The following OPCML variants were observed in gnomAD, a reference collection of about 807,000 sequenced individuals.
OPCML encodes opioid-binding protein/cell adhesion molecule.
A neutral mutation model predicts 37.8 loss-of-function variants in OPCML; 13 were observed. That is an observed-to-expected ratio of 0.34 (90% CI 0.22 to 0.55). The LOEUF (loss-of-function observed/expected upper bound fraction) is 0.55. OPCML is among the 20% of genes least tolerant of loss of function. The pLI is 0.91. For missense variants in OPCML, 341 were observed against 435.6 expected, an observed-to-expected ratio of 0.78 and a Z score of 1.93; for synonymous variants, 176 against 168.8, an observed-to-expected ratio of 1.04 and a Z score of -0.33.
intron 1 of OPCML, chr11:133,068,204 GC>G (rs1565429602): frequency 6.6e-6 from 1 of 152,150 alleles, no homozygotes; most frequent in African/African-American, 2.4e-5. Context: ...CCAAAACTCT[GC>G]CCTTCTGAAG....
At chr11:133,066,579 T>C (rs1948443673) in intron 1 of OPCML, 2 of 152,252 alleles carry the variant, frequency 1.3e-5, no homozygotes, top group African/African-American at 2.4e-5. Flanking sequence ...GTGCAAGTCA[T>C]TGGAAGACCC....
In OPCML at chr11:132,437,188, T is replaced by C. The variant is rs201451287; in HGVS notation, c.643+34A>G. On this transcript the variant is annotated intron_variant, in intron 5 of 7. Coordinates refer to ENST00000524381, the MANE Select transcript of OPCML (RefSeq NM_001012393.5). Reference sequence around the variant, plus strand: ...GTCCACCTACTCCCTGTGCCGTCTTTTCCCCAGAACCCCCTGGCTGCAGGT... The same window carrying C: ...GTCCACCTACTCCCTGTGCCGTCTTCTCCCCAGAACCCCCTGGCTGCAGGT... The C allele has an allele frequency of 8.5e-4, 1,360 of 1,605,038 alleles. 17 individuals are homozygous for C. In the South Asian group the frequency reaches 9.1e-3, roughly 11 times the overall value.
chr11:133,146,439 C>T (rs1352508310), intron 1 of OPCML, among the ~76,000 whole-genome samples: 1 of 151,700 alleles, frequency 6.6e-6, no homozygotes, highest in East Asian at 1.9e-4. Flanking sequence ...CTCAGCCTCT[C>T]GAGTAGCTGG....
chr11:132,935,932 T>C (rs532566425), intron 2 of OPCML, among the ~76,000 whole-genome samples: 7 of 152,314 alleles, frequency 4.6e-5, no homozygotes, highest in Admixed American at 6.5e-5. Context: ...ATATGTGCTA[T>C]GGGAGGTCAA....
chr11:132,652,349 AAC>A (rs5795793), intron 3 of OPCML, among the ~76,000 whole-genome samples: 12,563 of 142,530 alleles, frequency 0.088, 1,043 homozygotes, highest in African/African-American at 0.22. Flanking sequence ...AAGAATGACA[AAC>A]ACACACACAC....
intron 1 of OPCML, among the ~76,000 whole-genome samples, chr11:133,062,554 G>A (rs761257452): frequency 2.0e-5 from 3 of 152,148 alleles, no homozygotes; most frequent in African/African-American, 4.8e-5. Context: ...TTTGGTAAAG[G>A]TCTTGGTTCA....
chr11:133,240,810 C>G (rs1031270946), intron 1 of OPCML, among the ~76,000 whole-genome samples: 1 of 152,170 alleles, frequency 6.6e-6, no homozygotes, highest in Non-Finnish European at 1.5e-5. Flanking sequence ...CATCCCAAAT[C>G]GTTAGACTTA....
chr11:133,036,485 C>T (rs138691807), intron 1 of OPCML, among the ~76,000 whole-genome samples: 1 of 152,282 alleles, frequency 6.6e-6, no homozygotes, highest in Middle Eastern at 3.4e-3. Flanking sequence ...TCCTCCTTAA[C>T]CCACATTCAA....
rs1164458277 is a variant in OPCML, at chr11:133,282,704, T to C, written c.61+249560A>G. Among the ~76,000 whole-genome samples, 4 of 152,092 alleles carry C rather than the reference T, an allele frequency of 2.6e-5. No individual in the cohort carries two copies. In the East Asian group the frequency reaches 5.8e-4, roughly 22 times the overall value. On this transcript the variant is annotated intron_variant, in intron 1 of 7. Coordinates refer to ENST00000524381, the MANE Select transcript of OPCML (RefSeq NM_001012393.5). Reference sequence around the variant, plus strand: ...TTGCCTCTTGAGTCTGGAAAAGCCATAGGCACTCAACTCCAACCTGTGAGA... The same window carrying C: ...TTGCCTCTTGAGTCTGGAAAAGCCACAGGCACTCAACTCCAACCTGTGAGA...
At chr11:133,152,688 CTAAT>C (rs1490615790) in intron 1 of OPCML, among the ~76,000 whole-genome samples, 5 of 152,090 alleles carry the variant, frequency 3.3e-5, no homozygotes, top group African/African-American at 1.2e-4. Flanking sequence ...TAATTTCTCT[CTAAT>C]TGATGCGTGG....
At chr11:133,152,803 A>T (rs1470128797) in intron 1 of OPCML, among the ~76,000 whole-genome samples, 2 of 152,164 alleles carry the variant, frequency 1.3e-5, no homozygotes, top group African/African-American at 4.8e-5. Flanking sequence ...CAGCCATCTA[A>T]GCCGAAGCCC....
intron 2 of OPCML, among the ~76,000 whole-genome samples, chr11:132,815,416 GATT>G (rs1183163191): frequency 2.6e-5 from 4 of 152,318 alleles, no homozygotes. Flanking sequence ...AAAAATAATA[GATT>G]AAAGATGTGT....
At chr11:132,447,408 C>T (rs1390386600) in intron 4 of OPCML, among the ~76,000 whole-genome samples, 1 of 152,192 alleles carries the variant, frequency 6.6e-6, no homozygotes, top group Non-Finnish European at 1.5e-5. Flanking sequence ...AAGCAATTCT[C>T]CTGCCTCAGC....
intron 4 of OPCML, among the ~76,000 whole-genome samples, chr11:132,513,947 A>C (rs4415771): frequency 0.2 from 30,344 of 152,092 alleles, 3,085 homozygotes; most frequent in Non-Finnish European, 0.22. Context: ...TAACACGTAG[A>C]AGGCACCCAC....
chr11:133,413,121 G>C (rs78784821), intron 1 of OPCML, among the ~76,000 whole-genome samples: 1 of 152,078 alleles, frequency 6.6e-6, no homozygotes, highest in East Asian at 1.9e-4. Context: ...TGGGGATGTG[G>C]AGGGCAGTGA....
At chr11:132,937,375 G>A (rs1945411756) in intron 2 of OPCML, among the ~76,000 whole-genome samples, 1 of 152,196 alleles carries the variant, frequency 6.6e-6, no homozygotes, top group Admixed American at 6.5e-5. Context: ...AAAGGGCTTA[G>A]ATAAGAGCTG....
intron 2 of OPCML, among the ~76,000 whole-genome samples, chr11:132,843,726 A>C (rs780864047): frequency 6.6e-6 from 1 of 152,216 alleles, no homozygotes; most frequent in Non-Finnish European, 1.5e-5. Flanking sequence ...GAAGGTCTGT[A>C]TGTGTTAGAA....
At chr11:133,495,084 G>A (rs1279456012) in intron 1 of OPCML, among the ~76,000 whole-genome samples, 1 of 151,900 alleles carries the variant, frequency 6.6e-6, no homozygotes, top group Non-Finnish European at 1.5e-5. Flanking sequence ...AGTCACCGAA[G>A]TTCATTGTAT....
Position 132,417,646 on chromosome 11 carries a change from G to T in OPCML, c.*2547C>A, listed in dbSNP as rs919460223. ...GTCCAGCTTGTCCATTTCAAGCACT[G>T]TGTTCTCCAAGACTGTCCACTCTTC... On this transcript the variant is annotated 3_prime_UTR_variant, in exon 8 of 8. Transcript: ENST00000524381. The T allele has an allele frequency of 2.6e-5, 4 of 152,188 alleles. No homozygotes were observed. Among genetic ancestry groups the T allele is most frequent in the African/African-American group, 7.2e-5 (3 of 41,426 alleles). The allele number at this position is 152,188 out of a possible 1,614,324, so 9.4% of individuals were successfully genotyped here.
Sources: gnomAD v4.1 joint callset for allele counts (sites outside exome capture counted in the v4.1 genomes callset) on GRCh38, gnomAD v4.1.1 for gene constraint, MANE v1.5 for transcripts, NCBI Gene and HGNC (gene_info 2026-07-23, HGNC 2026-07-21) for gene names.